The following SMYD3 variants were observed in gnomAD, a reference collection of about 807,000 sequenced individuals.
SMYD3 encodes histone-lysine N-methyltransferase SMYD3.
In SMYD3, 36 loss-of-function variants were observed where a neutral mutation model predicts 57.7. The ratio of observed to expected loss-of-function variants is 0.62; its 90% CI spans 0.48 to 0.82. SMYD3 has a LOEUF of 0.82. SMYD3 is among the 40% of genes least tolerant of loss of function. The probability of loss-of-function intolerance (pLI) is 0.00; values close to 1 mark genes in which losing one functional copy is unlikely to be tolerated. For missense variants in SMYD3, 515 were observed against 538.8 expected (o/e 0.96, Z 0.44); for synonymous variants, 211 against 195.0 (o/e 1.08, Z -0.68).
rs117489618 is a variant in SMYD3 at position 246,485,707 on chromosome 1, T to C, written c.164+21347A>G. 4.3e-4 allele frequency among the ~76,000 whole-genome samples: 66 copies of C among 152,238 alleles called. No homozygotes were observed. In the East Asian group the frequency reaches 0.012, roughly 27 times the overall value. Reference sequence around the variant, plus strand: ...ATTTGGGCTGAGGTGGAAAGATTGCTTGAGCCCAGGAGTCCAAAGCTGTAG... The same window carrying C: ...ATTTGGGCTGAGGTGGAAAGATTGCCTGAGCCCAGGAGTCCAAAGCTGTAG... On this transcript the variant is annotated intron_variant, in intron 1 of 11. Coordinates refer to ENST00000490107, the MANE Select transcript of SMYD3 (RefSeq NM_001167740.2).
chr1:245,866,576 A>G (rs754949788), intron 8 of SMYD3, among the ~76,000 whole-genome samples: 2 of 152,096 alleles, frequency 1.3e-5, no homozygotes, highest in African/African-American at 4.8e-5. Context: ...TACTAAAAAT[A>G]TAAAAACTAG....
In SMYD3 at chr1:245,749,360, G is replaced by T. The variant is rs1049044552; in HGVS notation, c.*203C>A. The T allele has an allele frequency of 1.2e-5, 6 of 500,044 alleles. No homozygotes were observed. The Admixed American group carries it at 1.5e-4, about 13-fold the overall frequency. The allele number at this position is 500,044 out of a possible 1,614,324, so 31.0% of individuals were successfully genotyped here. A position where few individuals can be genotyped will look rare whatever the true frequency, so the allele number is the denominator to read the frequency against. ...TACCAGATGGCATCCTCAACCAAAT[G>T]TTTTGAATTTATTATAATCGTGCTT... On this transcript the variant is annotated 3_prime_UTR_variant, in exon 12 of 12. Coordinates refer to ENST00000490107, the MANE Select transcript of SMYD3 (RefSeq NM_001167740.2).
intron 8 of SMYD3, among the ~76,000 whole-genome samples, chr1:245,873,709 G>A (rs1017139104): frequency 6.6e-6 from 1 of 152,228 alleles, no homozygotes; most frequent in Non-Finnish European, 1.5e-5. Context: ...GCAGTGTCCC[G>A]AAGGCGAAGG....
chr1:246,386,689 A>G (rs2066487083), intron 1 of SMYD3, among the ~76,000 whole-genome samples: 1 of 152,092 alleles, frequency 6.6e-6, no homozygotes, highest in Non-Finnish European at 1.5e-5. Context: ...AGGAGACCAT[A>G]TAAGAACTGA....
At chr1:246,132,040 A>T (rs2061595885) in intron 5 of SMYD3, among the ~76,000 whole-genome samples, 1 of 152,166 alleles carries the variant, frequency 6.6e-6, no homozygotes, top group Non-Finnish European at 1.5e-5. Flanking sequence ...AATTTTTAGC[A>T]CTATCTCTAA....
chr1:245,879,215 T>C (rs2052645020), intron 8 of SMYD3, among the ~76,000 whole-genome samples: 1 of 152,252 alleles, frequency 6.6e-6, no homozygotes. Flanking sequence ...GTTCACGTTC[T>C]AGAACAACAT....
At chr1:246,089,789 C>T (rs1190184398) in intron 5 of SMYD3, among the ~76,000 whole-genome samples, 1 of 152,066 alleles carries the variant, frequency 6.6e-6, no homozygotes, top group Non-Finnish European at 1.5e-5. Flanking sequence ...CTGTTCCTAC[C>T]CCAAATGCCA....
intron 1 of SMYD3, among the ~76,000 whole-genome samples, chr1:246,481,453 T>A (rs1303051344): frequency 6.6e-6 from 1 of 150,736 alleles, no homozygotes; most frequent in Non-Finnish European, 1.5e-5. Flanking sequence ...CTCTCTCTGA[T>A]TACTTGAGCT....
rs540328053 is a variant in SMYD3, at chr1:245,859,708, C to A, written c.902-1038G>T. Among the ~76,000 whole-genome samples, 8 of 152,294 alleles carry A rather than the reference C, an allele frequency of 5.3e-5. No homozygotes were observed. The South Asian group carries it at 1.2e-3, about 24-fold the overall frequency. Reference sequence around the variant, plus strand: ...TGGTCCTTCTCTCACTCCTGTCTCACCTTCACCCAGTGGAGCTCCAAATTC... The same window carrying A: ...TGGTCCTTCTCTCACTCCTGTCTCAACTTCACCCAGTGGAGCTCCAAATTC... On this transcript the variant is annotated intron_variant, in intron 9 of 11. Transcript: ENST00000490107.
chr1:246,257,859 G>A (rs1159023537), intron 5 of SMYD3, among the ~76,000 whole-genome samples: 7 of 152,130 alleles, frequency 4.6e-5, no homozygotes, highest in Non-Finnish European at 1.0e-4. Context: ...GGAGGGAGGT[G>A]TCACACCACC....
chr1:246,185,832 A>T (rs2062631635), intron 5 of SMYD3, among the ~76,000 whole-genome samples: 1 of 152,182 alleles, frequency 6.6e-6, no homozygotes, highest in South Asian at 2.1e-4. Flanking sequence ...CACGTATGCT[A>T]AAAATGCCAA....
chr1:246,397,652 C>G (rs912103576), intron 1 of SMYD3, among the ~76,000 whole-genome samples: 1 of 152,112 alleles, frequency 6.6e-6, no homozygotes, highest in Non-Finnish European at 1.5e-5. Flanking sequence ...AGAGCTGATT[C>G]AGAGACAACA....
intron 10 of SMYD3, among the ~76,000 whole-genome samples, chr1:245,818,027 G>A (rs367792785): frequency 6.6e-6 from 1 of 152,000 alleles, no homozygotes; most frequent in Non-Finnish European, 1.5e-5. Context: ...CCAACATTCA[G>A]ATTCAGGAAA....
chr1:245,877,426 G>A (rs1050925416), intron 8 of SMYD3, among the ~76,000 whole-genome samples: 1 of 152,242 alleles, frequency 6.6e-6, no homozygotes, highest in African/African-American at 2.4e-5. Context: ...GAGATTTTAA[G>A]TATAATCTCT....
At chr1:246,193,295 A>G (rs1352144300) in intron 5 of SMYD3, among the ~76,000 whole-genome samples, 5 of 151,964 alleles carry the variant, frequency 3.3e-5, no homozygotes. Context: ...GAATAAATTA[A>G]CATTTAAAAT....
intron 5 of SMYD3, among the ~76,000 whole-genome samples, chr1:246,199,633 G>A (rs951793666): frequency 5.3e-5 from 8 of 152,194 alleles, no homozygotes; most frequent in Non-Finnish European, 1.2e-4. Context: ...ATCTTGTCAC[G>A]TACAAAATTC....
intron 10 of SMYD3, among the ~76,000 whole-genome samples, chr1:245,816,794 C>T (rs1299640604): frequency 6.6e-6 from 1 of 152,122 alleles, no homozygotes; most frequent in Non-Finnish European, 1.5e-5. Context: ...GACGGACGCA[C>T]CTGGAAAATC....
chr1:246,278,602 G>C (rs1411605094), intron 5 of SMYD3, among the ~76,000 whole-genome samples: 2 of 152,100 alleles, frequency 1.3e-5, no homozygotes, highest in Non-Finnish European at 2.9e-5. Flanking sequence ...GAGTCCTACT[G>C]ATGCAAGGAG....
intron 10 of SMYD3, among the ~76,000 whole-genome samples, chr1:245,801,539 G>A (rs1370978925): frequency 6.6e-6 from 1 of 152,216 alleles, no homozygotes; most frequent in Non-Finnish European, 1.5e-5. Flanking sequence ...GAAGGGATAA[G>A]AGCTCTTATA....
Sources: allele counts gnomAD v4.1 joint callset (sites outside exome capture counted in the v4.1 genomes callset), GRCh38; gene constraint gnomAD v4.1.1; transcripts MANE v1.5; gene names NCBI Gene and HGNC (gene_info 2026-07-23, HGNC 2026-07-21).